Variants in TRPV2 observed in about 807,000 individuals in gnomAD.
TRPV2 encodes the protein transient receptor potential cation channel subfamily V member 2, also known as OTRPC2.
A neutral mutation model predicts 91.0 loss-of-function variants in TRPV2; 58 were observed. The ratio of observed to expected loss-of-function variants is 0.64; its 90% CI spans 0.52 to 0.79. The LOEUF is 0.79. Ranked by LOEUF, TRPV2 falls within the 30% of genes least tolerant of loss-of-function variation. The pLI is 0.00. For missense variants in TRPV2, 807 were observed against 969.6 expected, an observed-to-expected ratio of 0.83 and a Z score of 2.23; for synonymous variants, 417 against 414.8, an observed-to-expected ratio of 1.01 and a Z score of -0.06.
At chr17:16,427,412 A>G in intron 7 of TRPV2, 37 bp from the exon 8 acceptor site, 1 of 1,597,306 alleles carries the variant, frequency 6.3e-7, no homozygotes, top group Non-Finnish European at 8.6e-7. Flanking sequence ...TCGAGAGAGG[A>G]CCCAAGGCCC....
Position 16,428,312 on chromosome 17 carries a change from C to T in TRPV2, c.1351-5C>T, listed in dbSNP as rs1338741315. ...CACAGCCCTCTGTCCTCCCTTCCTC[C>T]GCAGCTGTGGTACTTCTGGCGGCGC... On this transcript the variant is annotated splice_region_variant and splice_polypyrimidine_tract_variant and intron_variant, in intron 8 of 14. Transcript: ENST00000338560. 2 of 1,614,168 alleles carry T rather than the reference C, an allele frequency of 1.2e-6. No individual in the cohort carries two copies. Among genetic ancestry groups the T allele is most frequent in the Non-Finnish European group, 8.5e-7 (1 of 1,179,978 alleles).
Position 16,426,176 on chromosome 17 carries a change from G to T in TRPV2, c.1002G>T (p.Gly334=). ...GAAAGTTCACCGAGTGGTGCTATGG[G>T]CCTGTCCGGGTGTCGCTGTATGACC... The part of the protein sequence containing the change: ...LSRKFTEWCY[G]PVRVSLYDLA... The change falls in exon 6 of 15, where the codon GGG becomes GGT. Residue 334 remains glycine, a synonymous_variant. Coordinates refer to ENST00000338560, the MANE Select transcript of TRPV2 (RefSeq NM_016113.5). The surrounding 1 kb of genome is among the most constrained non-coding windows in gnomAD (Gnocchi z 6.0). 6.2e-7 allele frequency: 1 copy of T among 1,614,228 alleles called. No homozygotes were observed. Among genetic ancestry groups the T allele is most frequent in the Non-Finnish European group, 8.5e-7 (1 of 1,180,032 alleles).
intron 14 of TRPV2, among the ~76,000 whole-genome samples, chr17:16,436,527 T>C (rs531601723): frequency 6.6e-6 from 1 of 152,266 alleles, no homozygotes; most frequent in East Asian, 1.9e-4. Context: ...GGTGTTCTGA[T>C]CTCTGACACA....
At position 16,422,896 on chromosome 17, in the gene TRPV2, G is replaced by A; in HGVS notation, c.625+7G>A. On this transcript the variant is annotated splice_region_variant and intron_variant, in intron 4 of 14. Transcript: ENST00000338560. Reference sequence around the variant, plus strand: ...GGGACTTGCTTTTATTTCGGTGAGTGAGCCTTTCTTGGATAAATCGAGGCA... The same window carrying A: ...GGGACTTGCTTTTATTTCGGTGAGTAAGCCTTTCTTGGATAAATCGAGGCA... 6.4e-7 allele frequency: 1 copy of A among 1,556,404 alleles called. No individual in the cohort carries two copies. Among genetic ancestry groups the A allele is most frequent in the Non-Finnish European group, 8.7e-7 (1 of 1,149,118 alleles).
At chr17:16,432,841 T>C (rs1374035250) in intron 12 of TRPV2, among the ~76,000 whole-genome samples, 1 of 151,682 alleles carries the variant, frequency 6.6e-6, no homozygotes, top group East Asian at 1.9e-4. Flanking sequence ...GTTTTGCTCT[T>C]GTTGCCCGGG....
chr17:16,428,742 T>C, intron 9 of TRPV2, 75 bp from the exon 10 acceptor site: 2 of 1,574,256 alleles, frequency 1.3e-6, no homozygotes, highest in Non-Finnish European at 1.7e-6. Context: ...GGTCAGGACC[T>C]TGGTCAGCAT....
intron 5 of TRPV2, among the ~76,000 whole-genome samples, chr17:16,423,993 GA>G (rs368962048): frequency 9.2e-4 from 140 of 152,150 alleles, no homozygotes; most frequent in African/African-American, 2.8e-3. Context: ...AAAACATTGA[GA>G]TTTTTTTTTT....
chr17:16,436,590 G>T (rs2093434768), intron 14 of TRPV2, among the ~76,000 whole-genome samples, 199 bp from the exon 15 acceptor site: 1 of 152,170 alleles, frequency 6.6e-6, no homozygotes, highest in Admixed American at 6.5e-5. Context: ...AGGGGCAGGG[G>T]GAAGCCCCTG....
intron 9 of TRPV2, 34 bp from the exon 10 acceptor site, chr17:16,428,783 C>T: frequency 6.2e-7 from 1 of 1,611,274 alleles, no homozygotes. Flanking sequence ...AGCCAAGTGG[C>T]CCGCAAGCCC....
chr17:16,435,528 C>T lies in TRPV2; in HGVS notation c.2194+559C>T, dbSNP rs2093431183. The stretch of plus-strand genomic sequence containing the variant: ...TCTCCGTTCCAGTGTAGTGATGGCC[C>T]CTCCTGTCCCCACCCTGCTGCCTCC... On this transcript the variant is annotated intron_variant, in intron 14 of 14. Coordinates refer to ENST00000338560, the MANE Select transcript of TRPV2 (RefSeq NM_016113.5). This position sits in a 1 kb window ranked among gnomAD's most constrained non-coding sequence, Gnocchi z 4.2. Among the ~76,000 whole-genome samples the T allele has an allele frequency of 6.6e-6, 1 of 152,094 alleles. No individual in the cohort carries two copies. The highest frequency in any genetic ancestry group is 2.4e-5 in the African/African-American group (1 of 41,396).
Position 16,435,113 on chromosome 17 carries a change from G to A in TRPV2, c.2194+144G>A, listed in dbSNP as rs1445250671. 14 of 580,096 alleles carry A rather than the reference G, an allele frequency of 2.4e-5. No homozygotes were observed. The highest frequency in any genetic ancestry group is 3.7e-5 in the Non-Finnish European group (13 of 349,680). The allele number at this position is 580,096 out of a possible 1,614,324, so 35.9% of individuals were successfully genotyped here. On this transcript the variant is annotated intron_variant, in intron 14 of 14. Coordinates refer to ENST00000338560, the MANE Select transcript of TRPV2 (RefSeq NM_016113.5). This position sits in a 1 kb window ranked among gnomAD's most constrained non-coding sequence, Gnocchi z 4.2. ...CCCCACATGCCAGCTCCTCTTAGAGGGATTGCCTCCTTAAAACAGTGGTTC... is the reference window on the plus strand; with the variant it reads ...CCCCACATGCCAGCTCCTCTTAGAGAGATTGCCTCCTTAAAACAGTGGTTC...
In TRPV2 at chr17:16,417,882, T is replaced by G. The variant is rs758843848; in HGVS notation, c.200+14T>G. The G allele has an allele frequency of 2.5e-6, 4 of 1,612,006 alleles. No homozygotes were observed. Among genetic ancestry groups the G allele is most frequent in the Admixed American group, 1.7e-5 (1 of 59,712 alleles). On this transcript the variant is annotated intron_variant, in intron 2 of 14. Transcript: ENST00000338560. ...AACAGGTGCCAGGTGAGACAGCAAG[T>G]GGGGGCAGGGCAAAGGGGGCCCCCT...
chr17:16,420,214 G>GT lies in TRPV2; in HGVS notation c.300_301insT (p.Thr101TyrfsTer17). 6.2e-7 allele frequency: 1 copy of GT among 1,614,088 alleles called. No individual in the cohort carries two copies. On this transcript the variant is annotated frameshift_variant, in exon 3 of 15. Coordinates refer to ENST00000338560, the MANE Select transcript of TRPV2 (RefSeq NM_016113.5). LOFTEE classifies it high-confidence loss of function. ...CTGGACTTCCAGAGTACCTGAGCAA[G>GT]ACCAGCAAGTACCTCACCGACTCGG...
chr17:16,425,547 C>T (rs760462452), intron 5 of TRPV2, among the ~76,000 whole-genome samples: 1 of 152,142 alleles, frequency 6.6e-6, no homozygotes. Flanking sequence ...AACCCTTTTT[C>T]GCTGCCCTCC....
At chr17:16,430,839 T>C (rs111453173) in intron 10 of TRPV2, among the ~76,000 whole-genome samples, 21 of 151,622 alleles carry the variant, frequency 1.4e-4, no homozygotes, top group African/African-American at 4.8e-4. Flanking sequence ...TACACCACAT[T>C]TTGTGCGTCC....
At position 16,433,612 on chromosome 17, in the gene TRPV2, G is replaced by A; in HGVS notation, c.2028G>A (p.Trp676Ter). The change falls in exon 13 of 15, where the codon TGG becomes TGA. Residue 676 changes from tryptophan (W) to a stop codon, truncating the protein, a stop_gained. Transcript: ENST00000338560. LOFTEE classifies it high-confidence loss of function. ...ISVLEMENGY[W>*]WCRKKQRAGV... ...TCCTGGAGATGGAGAATGGCTATTG[G>A]TGGTGCAGGAAGAAGCAGCGGGCAG... The A allele has an allele frequency of 6.2e-7, 1 of 1,614,200 alleles. No homozygotes were observed. The highest frequency in any genetic ancestry group is 8.5e-7 in the Non-Finnish European group (1 of 1,180,038).
rs1299098238 is a variant in TRPV2, at chr17:16,428,376, T to C, written c.1410T>C (p.Phe470=). 3.1e-6 allele frequency: 5 copies of C among 1,614,186 alleles called. No homozygotes were observed. Among genetic ancestry groups the C allele is most frequent in the Non-Finnish European group, 4.2e-6 (5 of 1,180,024 alleles). The stretch of plus-strand genomic sequence containing the variant: ...GGATCTCGTTCATAGACAGCTACTT[T>C]GAAATCCTCTTGTACGTGGGTTCTC... ...FIWISFIDSY[F]EILFLFQALL... Residue 470 remains phenylalanine, a synonymous_variant, in exon 9 of 15, where the codon TTT becomes TTC. Transcript: ENST00000338560.
At position 16,426,930 on chromosome 17, in the gene TRPV2, A is replaced by C; in HGVS notation, c.1251+53A>C. The stretch of plus-strand genomic sequence containing the variant: ...ATCTTGGGGGAGGCCTGCTTGAAAC[A>C]ACCCTGGGGGAAGATGGGGCAGTAA... On this transcript the variant is annotated intron_variant, in intron 7 of 14. Transcript: ENST00000338560. The surrounding 1 kb of genome is among the most constrained non-coding windows in gnomAD (Gnocchi z 6.0). The C allele has an allele frequency of 1.3e-6, 2 of 1,578,410 alleles. No individual in the cohort carries two copies. Among genetic ancestry groups the C allele is most frequent in the East Asian group, 2.2e-5 (1 of 44,554 alleles).
At chr17:16,430,589 G>A (rs201899065) in intron 10 of TRPV2, among the ~76,000 whole-genome samples, 1 of 151,370 alleles carries the variant, frequency 6.6e-6, no homozygotes, top group African/African-American at 2.4e-5. Flanking sequence ...AGGTTCAAGC[G>A]ATTCTCCTGC....
Sources: gnomAD v4.1 joint callset for allele counts (sites outside exome capture counted in the v4.1 genomes callset) on GRCh38, gnomAD v4.1.1 for gene constraint, Gnocchi (gnomAD v3.1) non-coding constraint, MANE v1.5 for transcripts, NCBI Gene and HGNC (gene_info 2026-07-23, HGNC 2026-07-21) for gene names.